Variants in NBPF20 observed in about 807,000 individuals in gnomAD.
NBPF20 encodes the protein NBPF family member NBPF20.
NBPF20 carries 90 observed loss-of-function variants against 68.1 expected under a neutral mutation model. That is an observed-to-expected ratio of 1.32 (90% CI 1.11 to 1.58). The LOEUF is 1.58. Ranked by LOEUF, NBPF20 falls within the 40% of genes most tolerant of loss-of-function variation. NBPF20 has a pLI of 0.00. For missense variants in NBPF20, 816 were observed against 601.2 expected (o/e 1.36, Z -3.74); for synonymous variants, 290 against 228.1 (o/e 1.27, Z -2.45).
In NBPF20 at chr1:145,372,502, A is replaced by G. The variant is rs1242015793; in HGVS notation, c.4369+10T>C. ...GTGGAGGCTTATCACCTTCACAGTA[A>G]GATACTCACTGTCCACGTCAAGAGC... On this transcript the variant is annotated intron_variant, in intron 36 of 137. Coordinates refer to ENST00000369373, the Ensembl canonical transcript of NBPF20. The G allele has an allele frequency of 4.0e-5, 21 of 529,750 alleles. 3 individuals carry two copies. The highest frequency in any genetic ancestry group is 8.6e-5 in the African/African-American group (2 of 23,266). The allele number at this position is 529,750 out of a possible 1,614,324, so 32.8% of individuals were successfully genotyped here.
intron 3 of NBPF20, 63 bp from the exon 9 acceptor site, chr1:145,402,444 C>T: frequency 1.3e-6 from 2 of 1,575,034 alleles, no homozygotes; most frequent in South Asian, 2.2e-5. Flanking sequence ...TCAAATATTG[C>T]AACAGAGATT....
chr1:145,407,733 G>A (rs1169732221), upstream of NBPF20: 7 of 153,286 alleles, frequency 4.6e-5, no homozygotes, highest in Non-Finnish European at 8.8e-5. Flanking sequence ...GTGACCAGAA[G>A]AGCCCCTGCA....
At chr1:145,403,989 T>C (rs1321312321) in intron 2 of NBPF20, among the ~76,000 whole-genome samples, 2 of 129,092 alleles carry the variant, frequency 1.5e-5, no homozygotes, top group African/African-American at 6.0e-5. Context: ...ATAGCTCATG[T>C]AATTCACTGC....
upstream of NBPF20, among the ~76,000 whole-genome samples, chr1:145,407,393 T>C (rs1321112911): frequency 6.9e-6 from 1 of 145,186 alleles, no homozygotes; most frequent in Non-Finnish European, 1.5e-5. Context: ...TATATACACG[T>C]GTATATATAT....
chr1:145,403,131 T>G, intron 3 of NBPF20, 85 bp downstream of exon 8: 1 of 1,508,348 alleles, frequency 6.6e-7, no homozygotes, highest in Non-Finnish European at 9.2e-7. Flanking sequence ...TGGCCCAGCT[T>G]AGCTCTTACG....
At chr1:145,406,206 T>C (rs1662778695), upstream of NBPF20, among the ~76,000 whole-genome samples, 1 of 151,574 alleles carries the variant, frequency 6.6e-6, no homozygotes, top group Admixed American at 6.6e-5. Context: ...AGTACTGGGA[T>C]TACAGGCGTG....
At chr1:145,425,582 T>C in the NBPF20 span, among the ~76,000 whole-genome samples, 8 of 152,152 alleles carry the variant, frequency 5.3e-5, no homozygotes, top group African/African-American at 1.9e-4. Context: ...AGCTGGATCC[T>C]CAGGGTCTCG....
At chr1:145,292,487 T>C (rs1225860214) in exon 137 of NBPF20, 1 of 714,326 alleles carries the variant, frequency 1.4e-6, no homozygotes, top group Non-Finnish European at 2.5e-6. Flanking sequence ...TTCTTTTCAA[T>C]TTCTGCAATA....
At chr1:145,393,825 G>C (rs1662068931) in intron 9 of NBPF20, 59 bp downstream of exon 14, 2 of 1,263,442 alleles carry the variant, frequency 1.6e-6, no homozygotes, top group Non-Finnish European at 2.3e-6. Context: ...TGTTTTCCCT[G>C]GACTTGGCAT....
chr1:145,417,691 G>A, the NBPF20 span, among the ~76,000 whole-genome samples: 1 of 137,104 alleles, frequency 7.3e-6, no homozygotes, highest in Non-Finnish European at 1.6e-5. Context: ...TGGCAAATAA[G>A]CATATGAGAA....
At chr1:145,419,369 A>C in the NBPF20 span, among the ~76,000 whole-genome samples, 2 of 152,148 alleles carry the variant, frequency 1.3e-5, no homozygotes, top group African/African-American at 4.8e-5. Flanking sequence ...ACTACTGTAA[A>C]ACTATATACT....
chr1:145,416,200 C>T, the NBPF20 span, among the ~76,000 whole-genome samples: 3 of 145,418 alleles, frequency 2.1e-5, no homozygotes, highest in South Asian at 2.2e-4. Flanking sequence ...GAAAATGTAT[C>T]ATCTCAATTT....
chr1:145,291,570 T>G (rs1553657601), exon 138 of NBPF20: 1 of 1,611,872 alleles, frequency 6.2e-7, no homozygotes, highest in Non-Finnish European at 8.5e-7. Flanking sequence ...AGGTGGAGAC[T>G]TGTCACCGTC....
chr1:145,400,485 T>C, exon 6 of NBPF20: 3 of 1,613,140 alleles, frequency 1.9e-6, no homozygotes, highest in Non-Finnish European at 1.7e-6. Flanking sequence ...ATTTTGGTTT[T>C]CCTATGTGGC....
chr1:145,399,413 G>A (rs1249299714), intron 6 of NBPF20, among the ~76,000 whole-genome samples: 1 of 152,090 alleles, frequency 6.6e-6, no homozygotes, highest in Non-Finnish European at 1.5e-5. Context: ...TAAGAGTGCT[G>A]CTGCGATACG....
At chr1:145,393,458 AACACACACACAC>A (rs370259133) in intron 9 of NBPF20, among the ~76,000 whole-genome samples, 7 of 145,158 alleles carry the variant, frequency 4.8e-5, no homozygotes, top group Non-Finnish European at 7.6e-5. Flanking sequence ...CACACACACA[AACACACACACAC>A]ACACACACAC....
At chr1:145,413,630 G>T in the NBPF20 span, among the ~76,000 whole-genome samples, 2 of 146,568 alleles carry the variant, frequency 1.4e-5, no homozygotes, top group Non-Finnish European at 3.0e-5. Flanking sequence ...AGACCCACAG[G>T]ACAGAGGGTC....
At chr1:145,292,515 A>T (rs782764261) in intron 136 of NBPF20, 26 bp from the exon 142 acceptor site, 16 of 697,378 alleles carry the variant, frequency 2.3e-5, no homozygotes, top group Non-Finnish European at 3.8e-5. Flanking sequence ...ACATGGACAG[A>T]CACATTAAGC....
At chr1:145,398,042 C>A (rs1425767589) in intron 7 of NBPF20, among the ~76,000 whole-genome samples, 1 of 152,146 alleles carries the variant, frequency 6.6e-6, no homozygotes, top group Non-Finnish European at 1.5e-5. Context: ...CTATCCTAAA[C>A]ATATATGCAC....
Sources: allele counts gnomAD v4.1 joint callset (sites outside exome capture counted in the v4.1 genomes callset), GRCh38; gene constraint gnomAD v4.1.1; transcripts MANE v1.5; gene names NCBI Gene and HGNC (gene_info 2026-07-23, HGNC 2026-07-21).